PCDHGA12: variants seen among roughly 807,000 people sequenced by gnomAD.
The protein encoded by PCDHGA12 is protocadherin gamma subfamily A, 12, also known as protocadherin gamma-A12.
PCDHGA12 carries 43 observed loss-of-function variants against 61.1 expected under a neutral mutation model. The observed-to-expected ratio is 0.70, with a 90% CI of 0.55 to 0.91. The LOEUF is 0.91. Among genes scored for constraint, PCDHGA12 ranks in the 40% least tolerant of loss-of-function variants. The pLI, the probability that PCDHGA12 is intolerant of heterozygous loss-of-function variation, is 0.00. For missense variants in PCDHGA12, 1,236 were observed against 1,227.7 expected (o/e 1.01, Z -0.10); for synonymous variants, 520 against 542.9 (o/e 0.96, Z 0.59).
chr5:141,487,442 G>A lies in PCDHGA12; in HGVS notation c.2425-7365G>A, dbSNP rs749842864. 1 of 1,613,918 alleles carries A rather than the reference G, an allele frequency of 6.2e-7. No homozygotes were observed. Among genetic ancestry groups the A allele is most frequent in the Non-Finnish European group, 8.5e-7 (1 of 1,179,798 alleles). On this transcript the variant is annotated intron_variant, in intron 1 of 3. Coordinates refer to ENST00000252085, the MANE Select transcript of PCDHGA12 (RefSeq NM_003735.3). The surrounding 1 kb of genome is among the most constrained non-coding windows in gnomAD (Gnocchi z 5.0). ...GATCCTCCGAATCCAGCTAGGGTCA[G>A]ATGACCCTATCAAGTTTGTTGATGT...
In PCDHGA12 at chr5:141,511,519, C is replaced by G; in HGVS notation, c.*346C>G. 2.7e-6 allele frequency: 1 copy of G among 367,516 alleles called. No homozygotes were observed. Among genetic ancestry groups the G allele is most frequent in the African/African-American group, 2.1e-5 (1 of 48,286 alleles). 22.8% of individuals were successfully genotyped at this position (367,516 alleles called of 1,614,324 possible). A position where few individuals can be genotyped will look rare whatever the true frequency, so the allele number is the denominator to read the frequency against. ...CCAAATCAATCAGGCCCATCCATCC[C>G]ATGCCTCCCTCCTCCCCACCCCACT... On this transcript the variant is annotated 3_prime_UTR_variant, in exon 4 of 4. Coordinates refer to ENST00000252085, the MANE Select transcript of PCDHGA12 (RefSeq NM_003735.3).
rs13436436 is a variant in PCDHGA12 at position 141,494,301 on chromosome 5, G to C, written c.2425-506G>C. Among the ~76,000 whole-genome samples, 1,119 of 152,302 alleles carry C rather than the reference G, an allele frequency of 7.3e-3. 11 individuals carry two copies. The highest frequency in any genetic ancestry group is 0.026 in the African/African-American group (1,077 of 41,560). Reference sequence around the variant, plus strand: ...CCAGAGAAGATGTCCCTGTGAATGTGTCACTGCACAACCTGGCACCAAAAG... The same window carrying C: ...CCAGAGAAGATGTCCCTGTGAATGTCTCACTGCACAACCTGGCACCAAAAG... On this transcript the variant is annotated intron_variant, in intron 1 of 3. Coordinates refer to ENST00000252085, the MANE Select transcript of PCDHGA12 (RefSeq NM_003735.3).
In PCDHGA12 at chr5:141,452,847, T is replaced by G. The variant is rs575815407; in HGVS notation, c.2424+19664T>G. Among the ~76,000 whole-genome samples, 42 of 152,304 alleles carry G rather than the reference T, an allele frequency of 2.8e-4. 1 individual carries two copies. Among genetic ancestry groups the G allele is most frequent in the Admixed American group, 2.5e-3 (38 of 15,302 alleles). ...AAATCACTTGGTCCAGCCCACACTC[T>G]GGGGAGATGATTTTCTAACTCCATT... On this transcript the variant is annotated intron_variant, in intron 1 of 3. Coordinates refer to ENST00000252085, the MANE Select transcript of PCDHGA12 (RefSeq NM_003735.3).
At position 141,487,382 on chromosome 5, in the gene PCDHGA12, T is replaced by A. The variant is rs755316738; in HGVS notation, c.2425-7425T>A. 6.2e-7 allele frequency: 1 copy of A among 1,614,172 alleles called. No individual in the cohort carries two copies. The highest frequency in any genetic ancestry group is 2.2e-5 in the East Asian group (1 of 44,854). On this transcript the variant is annotated intron_variant, in intron 1 of 3. Transcript: ENST00000252085. The surrounding 1 kb of genome is among the most constrained non-coding windows in gnomAD (Gnocchi z 5.0). ...TGGCACCTGTGCCTGTCTCACCAGA[T>A]CTCGAAGGAGGGAGGGGCTTCCCCC...
chr5:141,485,958 T>C lies in PCDHGA12; in HGVS notation c.2425-8849T>C. On this transcript the variant is annotated intron_variant, in intron 1 of 3. Transcript: ENST00000252085. The surrounding 1 kb of genome is among the most constrained non-coding windows in gnomAD (Gnocchi z 5.7). ...AGCGCACCAGCGGGCATGGTGCTCATCCAGCTCAATGCCTCAGACCCGGAC... is the reference window on the plus strand; with the variant it reads ...AGCGCACCAGCGGGCATGGTGCTCACCCAGCTCAATGCCTCAGACCCGGAC... 1 of 1,614,190 alleles carries C rather than the reference T, an allele frequency of 6.2e-7. No individual in the cohort carries two copies. The highest frequency in any genetic ancestry group is 8.5e-7 in the Non-Finnish European group (1 of 1,180,032).
chr5:141,471,893 T>G (rs1289667371), intron 1 of PCDHGA12, among the ~76,000 whole-genome samples: 1 of 152,166 alleles, frequency 6.6e-6, no homozygotes, highest in African/African-American at 2.4e-5. Flanking sequence ...CTAGGAAGAT[T>G]GACTACAGAC....
chr5:141,435,952 G>A lies in PCDHGA12; in HGVS notation c.2424+2769G>A, dbSNP rs944960593. ...TTGCTGCTTCTGAGACCAAAAAAGG[G>A]GGCAAAATATAGAGTGTGTGGTTCT... is the stretch of plus-strand genomic sequence containing the variant. On this transcript the variant is annotated intron_variant, in intron 1 of 3. Transcript: ENST00000252085. Among the ~76,000 whole-genome samples the A allele has an allele frequency of 2.6e-5, 4 of 152,098 alleles. No individual in the cohort carries two copies. The South Asian group carries it at 8.3e-4, about 32-fold the overall frequency.
chr5:141,448,190 C>T (rs1426828578), intron 1 of PCDHGA12, among the ~76,000 whole-genome samples: 1 of 152,118 alleles, frequency 6.6e-6, no homozygotes, highest in Non-Finnish European at 1.5e-5. Flanking sequence ...GTTATGTACA[C>T]TTACAAACAT....
rs2099634686 is a variant in PCDHGA12 at position 141,486,772 on chromosome 5, T to G, written c.2425-8035T>G. 1 of 1,614,246 alleles carries G rather than the reference T, an allele frequency of 6.2e-7. No individual in the cohort carries two copies. The highest frequency in any genetic ancestry group is 8.5e-7 in the Non-Finnish European group (1 of 1,180,042). Reference sequence around the variant, plus strand: ...ATGAGCAAACCCAGACACTGCAGTTTGAGGTGCAGGCCCGGGATCGGGGCA... The same window carrying G: ...ATGAGCAAACCCAGACACTGCAGTTGGAGGTGCAGGCCCGGGATCGGGGCA... On this transcript the variant is annotated intron_variant, in intron 1 of 3. Coordinates refer to ENST00000252085, the MANE Select transcript of PCDHGA12 (RefSeq NM_003735.3). This position sits in a 1 kb window ranked among gnomAD's most constrained non-coding sequence, Gnocchi z 5.0.
At position 141,487,501 on chromosome 5, in the gene PCDHGA12, T is replaced by C. The variant is rs746285663; in HGVS notation, c.2425-7306T>C. 1.2e-6 allele frequency: 2 copies of C among 1,614,232 alleles called. No individual in the cohort carries two copies. The highest frequency in any genetic ancestry group is 3.3e-5 in the Admixed American group (2 of 60,028). ...ACTCTCATGGCTGTACACCCTTGGC[T>C]TCTGCACCCACTCGGAGTGATAGCT... On this transcript the variant is annotated intron_variant, in intron 1 of 3. Coordinates refer to ENST00000252085, the MANE Select transcript of PCDHGA12 (RefSeq NM_003735.3). The surrounding 1 kb of genome is among the most constrained non-coding windows in gnomAD (Gnocchi z 5.0).
chr5:141,432,537 C>T lies in PCDHGA12; in HGVS notation c.1778C>T (p.Ala593Val), dbSNP rs367578838. Reference sequence around the variant, plus strand: ...GGCTACCTGGTGACCAAGGTGGTGGCGGTGGACAGAGACTCCGGCCAGAAC... The same window carrying T: ...GGCTACCTGGTGACCAAGGTGGTGGTGGTGGACAGAGACTCCGGCCAGAAC... ...EPGYLVTKVV[A>V]VDRDSGQNAW... is the part of the protein sequence containing the mutation. The change falls in exon 1 of 4, where the codon GCG becomes GTG. Residue 593 changes from alanine (A) to valine (V), a missense_variant. By Grantham distance (64) the Ala-to-Val change is moderately conservative (BLOSUM62 0). Transcript: ENST00000252085. This position sits in a 1 kb window ranked among gnomAD's most constrained non-coding sequence, Gnocchi z 6.0. The T allele has an allele frequency of 5.6e-6, 9 of 1,613,882 alleles. No homozygotes were observed. The African/African-American group carries it at 6.7e-5, about 12-fold the overall frequency.
chr5:141,463,438 CTTTTTTTTTTT>C (rs71576115), intron 1 of PCDHGA12, among the ~76,000 whole-genome samples: 7 of 103,256 alleles, frequency 6.8e-5, no homozygotes, highest in African/African-American at 1.8e-4. Flanking sequence ...TTTCCTTCTC[CTTTTTTTTTTT>C]TTTTTTTTTT....
chr5:141,476,078 C>G lies in PCDHGA12; in HGVS notation c.2425-18729C>G. On this transcript the variant is annotated intron_variant, in intron 1 of 3. Transcript: ENST00000252085. The surrounding 1 kb of genome is among the most constrained non-coding windows in gnomAD (Gnocchi z 7.6). ...AAGTTTCTCAGCGAAATCTCAGGGA[C>G]GATCTGGACCCCGCTGAGAGGAACT... is the stretch of plus-strand genomic sequence containing the variant. 1 of 1,528,034 alleles carries G rather than the reference C, an allele frequency of 6.5e-7. No homozygotes were observed. 94.7% of individuals were successfully genotyped at this position (1,528,034 alleles called of 1,614,324 possible).
intron 1 of PCDHGA12, among the ~76,000 whole-genome samples, chr5:141,469,029 C>A (rs2099189188): frequency 6.6e-6 from 1 of 152,052 alleles, no homozygotes; most frequent in Non-Finnish European, 1.5e-5. Flanking sequence ...GTAATCCCAG[C>A]ACTTTGGGAG....
rs1360124362 is a variant in PCDHGA12 at position 141,489,688 on chromosome 5, G to A, written c.2425-5119G>A. On this transcript the variant is annotated intron_variant, in intron 1 of 3. Coordinates refer to ENST00000252085, the MANE Select transcript of PCDHGA12 (RefSeq NM_003735.3). This position sits in a 1 kb window ranked among gnomAD's most constrained non-coding sequence, Gnocchi z 4.5. The stretch of plus-strand genomic sequence containing the variant: ...CATCTCAGAATCAGCAGCATCTGGG[G>A]CACGATTCCCACTGGACAGTGCCCA... 6.2e-7 allele frequency: 1 copy of A among 1,614,150 alleles called. No homozygotes were observed. Among genetic ancestry groups the A allele is most frequent in the Non-Finnish European group, 8.5e-7 (1 of 1,180,012 alleles).
At chr5:141,459,686 C>T (rs79275885) in intron 1 of PCDHGA12, among the ~76,000 whole-genome samples, 5,534 of 152,296 alleles carry the variant, frequency 0.036, 130 homozygotes, top group South Asian at 0.077. Flanking sequence ...ATGCATAAAG[C>T]GTTCCGCTTG....
At chr5:141,439,190 CAA>C (rs200519543) in intron 1 of PCDHGA12, among the ~76,000 whole-genome samples, 3 of 111,702 alleles carry the variant, frequency 2.7e-5, no homozygotes, top group Non-Finnish European at 4.0e-5. Flanking sequence ...GAGACTCTGA[CAA>C]AAAAAAAAAA....
At position 141,432,778 on chromosome 5, in the gene PCDHGA12, G is replaced by T; in HGVS notation, c.2019G>T (p.Ala673=). The T allele has an allele frequency of 3.7e-6, 6 of 1,614,166 alleles. No individual in the cohort carries two copies. Among genetic ancestry groups the T allele is most frequent in the Non-Finnish European group, 5.1e-6 (6 of 1,180,002 alleles). ...AVADSIPQVL[A]DLGSLESPAN... ...CCGACAGCATCCCCCAAGTCCTGGCGGACCTCGGCAGCCTCGAGTCTCCAG... is the reference window on the plus strand; with the variant it reads ...CCGACAGCATCCCCCAAGTCCTGGCTGACCTCGGCAGCCTCGAGTCTCCAG... The change falls in exon 1 of 4, where the codon GCG becomes GCT. Residue 673 remains alanine (A), a synonymous_variant. Transcript: ENST00000252085. The surrounding 1 kb of genome is among the most constrained non-coding windows in gnomAD (Gnocchi z 6.0).
rs1275819200 is a variant in PCDHGA12, at chr5:141,491,620, A to G, written c.2425-3187A>G. 5 of 1,613,788 alleles carry G rather than the reference A, an allele frequency of 3.1e-6. No individual in the cohort carries two copies. Among genetic ancestry groups the G allele is most frequent in the Non-Finnish European group, 4.2e-6 (5 of 1,180,014 alleles). On this transcript the variant is annotated intron_variant, in intron 1 of 3. Coordinates refer to ENST00000252085, the MANE Select transcript of PCDHGA12 (RefSeq NM_003735.3). The surrounding 1 kb of genome is among the most constrained non-coding windows in gnomAD (Gnocchi z 6.9). ...TGACTTCACTTTTCTAAGACCCCTC[A>G]GCGTTCAGCAGCCCACAGCTCTGGC...
Sources: allele counts gnomAD v4.1 joint callset (sites outside exome capture counted in the v4.1 genomes callset), GRCh38; gene constraint gnomAD v4.1.1; non-coding constraint Gnocchi (gnomAD v3.1); transcripts MANE v1.5; gene names NCBI Gene and HGNC (gene_info 2026-07-23, HGNC 2026-07-21).